Variants in FMO3 observed in about 807,000 individuals in gnomAD.
FMO3 encodes the protein flavin-containing monooxygenase 3.
FMO3 carries 40 observed loss-of-function variants against 39.4 expected under a neutral mutation model. The observed-to-expected ratio is 1.02, with a 90% confidence interval of 0.79 to 1.32. FMO3 has a LOEUF of 1.32. Among genes scored for constraint, FMO3 ranks in the 40% most tolerant of loss-of-function variants. The probability of loss-of-function intolerance (pLI) is 0.00; values close to 1 mark genes in which losing one functional copy is unlikely to be tolerated. For missense variants in FMO3, 680 were observed against 651.8 expected (o/e 1.04, Z -0.47); for synonymous variants, 219 against 228.8 (o/e 0.96, Z 0.39).
Position 171,117,296 on chromosome 1 carries a change from G to T in FMO3, c.1453G>T (p.Ala485Ser). The change falls in exon 9 of 9, where the codon GCC becomes TCC. Residue 485 changes from alanine to serine, a missense_variant. By Grantham distance (99) the Ala-to-Ser change is moderately conservative (BLOSUM62 1). Coordinates refer to ENST00000367755, the MANE Select transcript of FMO3 (RefSeq NM_001002294.3). The part of the protein sequence containing the change: ...GPGQWPGARN[A>S]ILTQWDRSLK... ...AGGGCAGTGGCCAGGAGCCAGAAATGCCATACTGACCCAGTGGGACCGGTC... is the reference window on the plus strand; with the variant it reads ...AGGGCAGTGGCCAGGAGCCAGAAATTCCATACTGACCCAGTGGGACCGGTC... The T allele has an allele frequency of 6.2e-7, 1 of 1,614,170 alleles. No individual in the cohort carries two copies. Among genetic ancestry groups the T allele is most frequent in the South Asian group, 1.1e-5 (1 of 91,078 alleles).
At chr1:171,096,048 A>AATATATAATATATATTATATATT (rs1654994439) in intron 2 of FMO3, among the ~76,000 whole-genome samples, 1 of 51,614 alleles carries the variant, frequency 1.9e-5, no homozygotes, top group African/African-American at 1.5e-4. Context: ...TATTATATAT[A>AATATATAATATATATTATATATT]AATATATAAT....
At chr1:171,104,015 A>G in intron 3 of FMO3, 42 bp downstream of exon 3, 2 of 1,407,020 alleles carry the variant, frequency 1.4e-6, no homozygotes, top group Non-Finnish European at 2.0e-6. Context: ...ATAATGCTGA[A>G]GAAGTCTATG....
At chr1:171,096,055 TAA>T in intron 2 of FMO3, among the ~76,000 whole-genome samples, 1 of 54,516 alleles carries the variant, frequency 1.8e-5, no homozygotes. Context: ...TATAAATATA[TAA>T]TATATATTAT....
chr1:171,104,105 C>G, intron 3 of FMO3, 132 bp downstream of exon 3: 1 of 743,786 alleles, frequency 1.3e-6, no homozygotes. Flanking sequence ...GCCTCTCTAA[C>G]TCTAGGTTTA....
At chr1:171,112,137 C>T (rs375518577) in intron 6 of FMO3, among the ~76,000 whole-genome samples, 5 of 152,166 alleles carry the variant, frequency 3.3e-5, no homozygotes, top group African/African-American at 1.2e-4. Flanking sequence ...AATGGGGCTT[C>T]TCTTCCTTGA....
In FMO3 at chr1:171,106,248, C is replaced by G. The variant is rs757965596; in HGVS notation, c.322-1427C>G. On this transcript the variant is annotated intron_variant, in intron 3 of 8. Coordinates refer to ENST00000367755, the MANE Select transcript of FMO3 (RefSeq NM_001002294.3). The stretch of plus-strand genomic sequence containing the variant: ...CTCCACCTCCTAGGTTCAAGTGATT[C>G]TCCTGCCTCAGCCTCCCAAGTAGCT... Among the ~76,000 whole-genome samples the G allele has an allele frequency of 4.2e-4, 63 of 151,748 alleles. 1 individual carries two copies. Among genetic ancestry groups the G allele is most frequent in the Non-Finnish European group, 5.0e-4 (34 of 67,978 alleles).
At position 171,101,127 on chromosome 1, in the gene FMO3, A is replaced by T. The variant is rs1158250106; in HGVS notation, c.133-2658A>T. 4.4e-6 allele frequency: 2 copies of T among 456,116 alleles called. No homozygotes were observed. Among genetic ancestry groups the T allele is most frequent in the African/African-American group, 2.0e-5 (1 of 50,076 alleles). 28.3% of individuals were successfully genotyped at this position (456,116 alleles called of 1,614,324 possible). The stretch of plus-strand genomic sequence containing the variant: ...CAAGAGGGGTCTTGCCACTGAAAAA[A>T]ATAAGAAATGCCAGCATCCACCAGA... On this transcript the variant is annotated intron_variant, in intron 2 of 8. Coordinates refer to ENST00000367755, the MANE Select transcript of FMO3 (RefSeq NM_001002294.3).
In FMO3 at chr1:171,092,674, G is replaced by C. The variant is rs780989065; in HGVS notation, c.16G>C (p.Ala6Pro). 6.2e-7 allele frequency: 1 copy of C among 1,614,064 alleles called. No homozygotes were observed. Among genetic ancestry groups the C allele is most frequent in the African/African-American group, 1.3e-5 (1 of 74,934 alleles). The change falls in exon 2 of 9, where the codon GCC becomes CCC. Residue 6 changes from alanine (A) to proline (P), a missense_variant. Ala to Pro is a conservative substitution (Grantham distance 27). Coordinates refer to ENST00000367755, the MANE Select transcript of FMO3 (RefSeq NM_001002294.3). MGKKVAIIGAGVSGLA... is the reference protein window; with the variant it reads MGKKVPIIGAGVSGLA... Reference sequence around the variant, plus strand: ...ACAGGTTACCATGGGGAAGAAAGTGGCCATCATTGGAGCTGGTGTGAGTGG... The same window carrying C: ...ACAGGTTACCATGGGGAAGAAAGTGCCCATCATTGGAGCTGGTGTGAGTGG...
At chr1:171,116,570 GA>G (rs1656164186) in intron 8 of FMO3, among the ~76,000 whole-genome samples, 1 of 152,170 alleles carries the variant, frequency 6.6e-6, no homozygotes, top group African/African-American at 2.4e-5. Context: ...ATAGAAAGGA[GA>G]CCCAGAAAGG....
intron 1 of FMO3, 83 bp from the exon 2 acceptor site, chr1:171,092,570 G>C: frequency 1.3e-6 from 2 of 1,530,620 alleles, no homozygotes. Flanking sequence ...AAGCCAAAGA[G>C]CGAAATCAAA....
chr1:171,101,213 T>C (rs1393187212), intron 2 of FMO3: 2 of 456,096 alleles, frequency 4.4e-6, no homozygotes, highest in Non-Finnish European at 8.8e-6. Context: ...CATGGTACTG[T>C]CACACTTCGT....
chr1:171,096,016 T>TATTAATATATAA (rs1431040753), intron 2 of FMO3, among the ~76,000 whole-genome samples: 493 of 47,390 alleles, frequency 0.01, 17 homozygotes, highest in African/African-American at 0.045. Flanking sequence ...AATATACATA[T>TATTAATATATAA]TATATATTAA....
At position 171,107,821 on chromosome 1, in the gene FMO3, A is replaced by C. The variant is rs1655715753; in HGVS notation, c.468A>C (p.Pro156=). The C allele has an allele frequency of 6.2e-7, 1 of 1,613,984 alleles. No individual in the cohort carries two copies. Among genetic ancestry groups the C allele is most frequent in the Non-Finnish European group, 8.5e-7 (1 of 1,179,910 alleles). ...GACATCATGTGTATCCCAACCTACC[A>C]AAAGAGTCCTTTCCAGGTAAGGCCA... is the stretch of plus-strand genomic sequence containing the variant. ...CSGHHVYPNL[P]KESFPGLNHF... Residue 156 remains proline (P), a synonymous_variant, in exon 4 of 9, where the codon CCA becomes CCC. Coordinates refer to ENST00000367755, the MANE Select transcript of FMO3 (RefSeq NM_001002294.3).
chr1:171,103,785 G>A lies in FMO3; in HGVS notation c.133G>A (p.Asp45Asn). 1 of 1,611,854 alleles carries A rather than the reference G, an allele frequency of 6.2e-7. No homozygotes were observed. The highest frequency in any genetic ancestry group is 8.5e-7 in the Non-Finnish European group (1 of 1,178,156). ...NDIGGLWKFS[D>N]HAEEGRASIY... is the part of the protein sequence containing the mutation. ...TCCATTTGATACTATACATTCACAG[G>A]ACCATGCAGAGGAGGGCAGGGCTAG... Residue 45 changes from aspartate to asparagine, a missense_variant and splice_region_variant, in exon 3 of 9, where the codon GAC becomes AAC. By Grantham distance (23) the Asp-to-Asn change is conservative. Coordinates refer to ENST00000367755, the MANE Select transcript of FMO3 (RefSeq NM_001002294.3).
In FMO3 at chr1:171,117,027, C is replaced by A; in HGVS notation, c.1257-73C>A. On this transcript the variant is annotated intron_variant, in intron 8 of 8. Transcript: ENST00000367755. ...GTTAATTCTCACTGATATAAAGTTGCGAGCCATTTTCTCTGTTCTGTTTCT... is the reference window on the plus strand; with the variant it reads ...GTTAATTCTCACTGATATAAAGTTGAGAGCCATTTTCTCTGTTCTGTTTCT... 2.6e-6 allele frequency: 3 copies of A among 1,146,840 alleles called. 1 individual carries two copies. The South Asian group carries it at 3.7e-5, about 14-fold the overall frequency. The allele number at this position is 1,146,840 out of a possible 1,614,324, so 71.0% of individuals were successfully genotyped here. A position where few individuals can be genotyped will look rare whatever the true frequency, so the allele number is the denominator to read the frequency against.
chr1:171,096,707 A>ATAT (rs1655098715), intron 2 of FMO3, among the ~76,000 whole-genome samples: 7 of 114,338 alleles, frequency 6.1e-5, no homozygotes, highest in South Asian at 3.1e-4. Context: ...AATTATATAA[A>ATAT]AATTAATATA....
intron 2 of FMO3, chr1:171,101,301 C>T (rs1267955770): frequency 2.3e-6 from 1 of 438,562 alleles, no homozygotes; most frequent in Non-Finnish European, 4.6e-6. Flanking sequence ...AAGCCATTAA[C>T]TTTGTGGTAA....
intron 2 of FMO3, chr1:171,100,936 G>A (rs1655352021): frequency 6.3e-6 from 2 of 318,602 alleles, no homozygotes; most frequent in East Asian, 1.5e-4. Flanking sequence ...ATGTGGGTGA[G>A]CCCCAAACGC....
At chr1:171,103,149 T>C (rs1379909381) in intron 2 of FMO3, among the ~76,000 whole-genome samples, 2 of 152,152 alleles carry the variant, frequency 1.3e-5, no homozygotes, top group Non-Finnish European at 2.9e-5. Context: ...TTTTGAAAAA[T>C]CTCTGTCACC....
Sources: gnomAD v4.1 joint callset for allele counts (sites outside exome capture counted in the v4.1 genomes callset) on GRCh38, gnomAD v4.1.1 for gene constraint, MANE v1.5 for transcripts, NCBI Gene and HGNC (gene_info 2026-07-23, HGNC 2026-07-21) for gene names.